Variants in MARCHF1 observed in about 807,000 individuals in gnomAD.
MARCHF1 encodes the protein E3 ubiquitin-protein ligase MARCHF1.
A neutral mutation model predicts 54.2 loss-of-function variants in MARCHF1; 40 were observed. The ratio of observed to expected loss-of-function variants is 0.74; its 90% CI spans 0.57 to 0.96. The LOEUF is 0.96. MARCHF1 is among the 40% of genes least tolerant of loss of function. MARCHF1 has a pLI of 0.00. For missense variants in MARCHF1, 586 were observed against 656.5 expected (o/e 0.89, Z 1.17); for synonymous variants, 236 against 236.3 (o/e 1.00, Z 0.01).
In MARCHF1 at chr4:164,247,416, A is replaced by G. The variant is rs551507108; in HGVS notation, c.-322-135754T>C. On this transcript the variant is annotated intron_variant, in intron 1 of 9. Coordinates refer to ENST00000514618, the MANE Select transcript of MARCHF1 (RefSeq NM_001394959.1). ...GGTGGGAATTGAACAATGAGATCAC[A>G]TGGACACAGGAAGGGGAATATCACA... Among the ~76,000 whole-genome samples the G allele has an allele frequency of 4.4e-4, 67 of 151,430 alleles. 1 individual carries two copies. The highest frequency in any genetic ancestry group is 1.6e-3 in the African/African-American group (65 of 41,232).
intron 2 of MARCHF1, among the ~76,000 whole-genome samples, chr4:164,000,346 A>G (rs2110915867): frequency 6.6e-6 from 1 of 151,926 alleles, no homozygotes; most frequent in South Asian, 2.1e-4. Flanking sequence ...TCAGCAAGAC[A>G]TTATTTCTTG....
chr4:163,526,952 GGTTT>G lies in MARCHF1; in HGVS notation c.*1792_*1795del, dbSNP rs1238325977. 9 of 151,132 alleles carry G rather than the reference GGTTT, an allele frequency of 6.0e-5. No homozygotes were observed. The highest frequency in any genetic ancestry group is 1.3e-4 in the Admixed American group (2 of 15,106). 9.4% of individuals were successfully genotyped at this position (151,132 alleles called of 1,614,324 possible). Reference sequence around the variant, plus strand: ...TATACCATCTTTCTCCTCATTTAAAGGTTTGTTTTTTTTTTCCCTTTTTCCTATG... The same window carrying G: ...TATACCATCTTTCTCCTCATTTAAAGGTTTTTTTTTTCCCTTTTTCCTATG... On this transcript the variant is annotated 3_prime_UTR_variant, in exon 10 of 10. Transcript: ENST00000514618.
chr4:164,296,024 C>G (rs1186215817), intron 1 of MARCHF1, among the ~76,000 whole-genome samples: 1 of 152,080 alleles, frequency 6.6e-6, no homozygotes, highest in African/African-American at 2.4e-5. Context: ...CATTTCAAAA[C>G]AAAATAGGAG....
intron 2 of MARCHF1, among the ~76,000 whole-genome samples, chr4:163,989,354 T>A (rs1429642609): frequency 6.6e-6 from 1 of 152,186 alleles, no homozygotes; most frequent in Non-Finnish European, 1.5e-5. Flanking sequence ...TGTCTTTTTC[T>A]GGATGGTTGT....
intron 3 of MARCHF1, among the ~76,000 whole-genome samples, chr4:163,947,563 G>C (rs565875473): frequency 5.3e-5 from 8 of 152,314 alleles, no homozygotes; most frequent in African/African-American, 1.7e-4. Flanking sequence ...GTGATGTGTG[G>C]CCACAAGCCA....
At position 163,761,717 on chromosome 4, in the gene MARCHF1, T is replaced by C. The variant is rs145804604; in HGVS notation, c.112-60854A>G. 2.0e-4 allele frequency among the ~76,000 whole-genome samples: 31 copies of C among 152,302 alleles called. No individual in the cohort carries two copies. The East Asian group carries it at 5.6e-3, about 27-fold the overall frequency. ...GGAAATGTTCTTCAGTCTAGCCAAG[T>C]TGACACACTACAAAGCCACCACATG... is the stretch of plus-strand genomic sequence containing the variant. On this transcript the variant is annotated intron_variant, in intron 4 of 9. Transcript: ENST00000514618.
At position 164,326,853 on chromosome 4, in the gene MARCHF1, G is replaced by A. The variant is rs536822843; in HGVS notation, c.-323+57017C>T. ...CTAATTTCAGATTTTCTGCTTATTT[G>A]TTGTGACCCTAGGTATTTTTCTTAA... On this transcript the variant is annotated intron_variant, in intron 1 of 9. Coordinates refer to ENST00000514618, the MANE Select transcript of MARCHF1 (RefSeq NM_001394959.1). Among the ~76,000 whole-genome samples, 196 of 151,934 alleles carry A rather than the reference G, an allele frequency of 1.3e-3. 1 individual carries two copies. Among genetic ancestry groups the A allele is most frequent in the Non-Finnish European group, 2.0e-3 (138 of 67,928 alleles).
At chr4:164,058,125 G>T (rs931432729) in intron 2 of MARCHF1, among the ~76,000 whole-genome samples, 1 of 152,048 alleles carries the variant, frequency 6.6e-6, no homozygotes, top group Non-Finnish European at 1.5e-5. Flanking sequence ...CCTGCAAGGA[G>T]TTGGGGGCTA....
intron 8 of MARCHF1, among the ~76,000 whole-genome samples, chr4:163,574,320 T>G (rs1354257303): frequency 1.3e-5 from 2 of 152,154 alleles, no homozygotes; most frequent in Admixed American, 6.5e-5. Context: ...TTAGTTTCAT[T>G]AGATCCCATT....
At chr4:163,981,451 T>A (rs551641601) in intron 3 of MARCHF1, among the ~76,000 whole-genome samples, 1 of 152,320 alleles carries the variant, frequency 6.6e-6, no homozygotes, top group South Asian at 2.1e-4. Context: ...TATCACCAGT[T>A]CTACCCCCAT....
chr4:164,288,310 T>C (rs528781494), intron 1 of MARCHF1, among the ~76,000 whole-genome samples: 2 of 152,252 alleles, frequency 1.3e-5, no homozygotes, highest in South Asian at 4.1e-4. Flanking sequence ...GATCTTGAAA[T>C]TAATATTCTT....
At chr4:164,363,741 A>T (rs1730793750) in intron 1 of MARCHF1, among the ~76,000 whole-genome samples, 1 of 149,840 alleles carries the variant, frequency 6.7e-6, no homozygotes, top group Non-Finnish European at 1.5e-5. Context: ...GCATTGTATT[A>T]TTTAACATTA....
intron 2 of MARCHF1, among the ~76,000 whole-genome samples, chr4:164,070,465 G>T (rs984242018): frequency 6.6e-6 from 1 of 152,112 alleles, no homozygotes; most frequent in African/African-American, 2.4e-5. Flanking sequence ...TTAAAAACTG[G>T]CTACTTGGGG....
chr4:163,740,780 G>A (rs1018250486), intron 4 of MARCHF1, among the ~76,000 whole-genome samples: 6 of 152,302 alleles, frequency 3.9e-5, no homozygotes, highest in East Asian at 1.9e-4. Context: ...AAGGTAATGC[G>A]TTTGAGTTGT....
intron 2 of MARCHF1, among the ~76,000 whole-genome samples, chr4:164,052,610 C>A (rs1232275925): frequency 6.6e-6 from 1 of 152,100 alleles, no homozygotes; most frequent in Non-Finnish European, 1.5e-5. Context: ...ATTTTCTAAG[C>A]TCAAGGCTAC....
intron 3 of MARCHF1, among the ~76,000 whole-genome samples, chr4:163,983,952 TTTTTAC>T (rs1323746286): frequency 8.8e-6 from 1 of 114,204 alleles, no homozygotes; most frequent in African/African-American, 2.6e-5. Flanking sequence ...TTACTAAAAA[TTTTTAC>T]TAAAAATTTT....
intron 8 of MARCHF1, among the ~76,000 whole-genome samples, chr4:163,548,184 C>T (rs1003996958): frequency 2.6e-5 from 4 of 152,108 alleles, no homozygotes; most frequent in African/African-American, 9.7e-5. Flanking sequence ...TTGGCAATAG[C>T]ATTTTGCAAT....
At chr4:164,052,995 T>A (rs1178416782) in intron 2 of MARCHF1, among the ~76,000 whole-genome samples, 2 of 152,202 alleles carry the variant, frequency 1.3e-5, no homozygotes, top group Non-Finnish European at 2.9e-5. Context: ...TTCTTCATCT[T>A]TTCTACTTTT....
intron 3 of MARCHF1, among the ~76,000 whole-genome samples, chr4:163,927,259 TA>T (rs1751558049): frequency 6.6e-6 from 1 of 151,822 alleles, no homozygotes; most frequent in East Asian, 1.9e-4. Context: ...TTCAGATGAC[TA>T]CAAATAAGAC....
Sources: gnomAD v4.1 joint callset for allele counts (sites outside exome capture counted in the v4.1 genomes callset) on GRCh38, gnomAD v4.1.1 for gene constraint, MANE v1.5 for transcripts, NCBI Gene and HGNC (gene_info 2026-07-23, HGNC 2026-07-21) for gene names.